PRKD3: variants seen among roughly 807,000 people sequenced by gnomAD.
PRKD3 encodes the protein protein kinase D3, also known as serine/threonine-protein kinase D3.
In PRKD3, 47 loss-of-function variants were observed where a neutral mutation model predicts 99.2. The observed-to-expected ratio is 0.47, with a 90% CI of 0.38 to 0.60. The LOEUF (loss-of-function observed/expected upper bound fraction) is 0.60, where lower values mean the gene tolerates loss of function less well. PRKD3 is among the 20% of genes least tolerant of loss of function. PRKD3 has a pLI of 0.00. For missense variants in PRKD3, 1,019 were observed against 1,088.4 expected, an observed-to-expected ratio of 0.94 and a Z score of 0.90; for synonymous variants, 392 against 355.4, an observed-to-expected ratio of 1.10 and a Z score of -1.16.
At chr2:37,280,505 T>C (rs1669806230) in intron 7 of PRKD3, among the ~76,000 whole-genome samples, 1 of 152,016 alleles carries the variant, frequency 6.6e-6, no homozygotes, top group Non-Finnish European at 1.5e-5. Context: ...TTGACAAGAG[T>C]GTCAAGAAAA....
At position 37,293,199 on chromosome 2, in the gene PRKD3, T is replaced by C; in HGVS notation, c.361A>G (p.Ile121Val). ...LFRHDMNSENILQLITSADEI... is the reference protein window; with the variant it reads ...LFRHDMNSENVLQLITSADEI... Reference sequence around the variant, plus strand: ...TCTGCTGAGGTAATCAGCTGCAAAATGTTTTCTGAGTTCATGTCATGGCGA... The same window carrying C: ...TCTGCTGAGGTAATCAGCTGCAAAACGTTTTCTGAGTTCATGTCATGGCGA... The change falls in exon 3 of 19, where the codon ATT becomes GTT. Residue 121 changes from isoleucine (I) to valine (V), a missense_variant. By Grantham distance (29) the Ile-to-Val change is conservative. Around this residue, in one of 3 missense-constraint regions of PRKD3, gnomAD observed 710 missense variants for 692.7 expected, o/e 1.02. Coordinates refer to ENST00000234179, the MANE Select transcript of PRKD3 (RefSeq NM_005813.6). 6.2e-7 allele frequency: 1 copy of C among 1,606,210 alleles called. No homozygotes were observed. Among genetic ancestry groups the C allele is most frequent in the Non-Finnish European group, 8.5e-7 (1 of 1,174,050 alleles).
intron 2 of PRKD3, among the ~76,000 whole-genome samples, chr2:37,305,828 A>C (rs1413908248): frequency 1.3e-5 from 2 of 152,214 alleles, no homozygotes; most frequent in Non-Finnish European, 2.9e-5. Flanking sequence ...CATGAGTATT[A>C]ACTACTTTTG....
intron 2 of PRKD3, among the ~76,000 whole-genome samples, chr2:37,295,076 C>CACAA (rs1003528194): frequency 7.9e-5 from 12 of 152,044 alleles, no homozygotes; most frequent in Non-Finnish European, 1.3e-4. Context: ...GAGGCTCCGT[C>CACAA]ACAAACAAAC....
rs557974770 is a variant in PRKD3 at position 37,287,376 on chromosome 2, CT to C, written c.718-1008del. 1.1e-4 allele frequency among the ~76,000 whole-genome samples: 16 copies of C among 150,818 alleles called. No individual in the cohort carries two copies. In the South Asian group the frequency reaches 1.7e-3, roughly 16 times the overall value. ...TGTCCTTTTCTTTTCCTTTTCTTCC[CT>C]TTTTTTTCTTTTTTCTCCTCCCCTT... On this transcript the variant is annotated intron_variant, in intron 5 of 18. Transcript: ENST00000234179.
At chr2:37,295,705 G>C (rs1670644735) in intron 2 of PRKD3, among the ~76,000 whole-genome samples, 1 of 152,174 alleles carries the variant, frequency 6.6e-6, no homozygotes, top group African/African-American at 2.4e-5. Context: ...TAAATTACTT[G>C]ATGGCTGTAA....
intron 9 of PRKD3, among the ~76,000 whole-genome samples, chr2:37,277,443 C>T (rs1253210755): frequency 2.0e-5 from 3 of 152,088 alleles, no homozygotes; most frequent in African/African-American, 7.2e-5. Flanking sequence ...CATCATTCCT[C>T]GTCTTTGCTG....
chr2:37,307,915 T>C (rs1654196296), intron 2 of PRKD3, among the ~76,000 whole-genome samples: 1 of 152,246 alleles, frequency 6.6e-6, no homozygotes, highest in African/African-American at 2.4e-5. Context: ...ATATTCTTGT[T>C]AGAATTTAAT....
At position 37,290,941 on chromosome 2, in the gene PRKD3, G is replaced by C; in HGVS notation, c.486C>G (p.Tyr162Ter). 2 of 1,606,404 alleles carry C rather than the reference G, an allele frequency of 1.2e-6. No homozygotes were observed. The highest frequency in any genetic ancestry group is 1.7e-6 in the Non-Finnish European group (2 of 1,172,932). The change falls in exon 4 of 19, where the codon TAC becomes TAG. Residue 162 changes from tyrosine to a stop codon, truncating the protein, a stop_gained. Transcript: ENST00000234179. LOFTEE classifies it high-confidence loss of function. ...IRPHTLYVHSYKAPTFCDYCG... is the reference protein window; with the variant it reads ...IRPHTLYVHS ...AGTAATCACAGAAAGTAGGAGCTTT[G>C]TAAGAATGTACATAGAGAGTATGTG...
intron 13 of PRKD3, 113 bp downstream of exon 13, chr2:37,269,502 T>C (rs1669075488): frequency 1.2e-6 from 1 of 838,780 alleles, no homozygotes; most frequent in Non-Finnish European, 2.0e-6. Context: ...AGTCAGCCTT[T>C]AAAAAAAAGG....
rs779115906 is a variant in PRKD3 at position 37,268,241 on chromosome 2, G to C, written c.1778-705C>G. The C allele has an allele frequency of 4.3e-4, 195 of 456,718 alleles. 2 individuals are homozygous for C. Among genetic ancestry groups the C allele is most frequent in the Non-Finnish European group, 6.3e-4 (140 of 221,932 alleles). 28.3% of individuals were successfully genotyped at this position (456,718 alleles called of 1,614,324 possible). On this transcript the variant is annotated intron_variant, in intron 13 of 18. Transcript: ENST00000234179. ...ACTCATTTGTCTCAATGGCACAATC[G>C]TAAGTCTACTTGAAAAGACTGAACA...
At chr2:37,298,047 C>T (rs1046317335) in intron 2 of PRKD3, among the ~76,000 whole-genome samples, 3 of 152,114 alleles carry the variant, frequency 2.0e-5, no homozygotes, top group Non-Finnish European at 2.9e-5. Context: ...TTTTCCCCCA[C>T]TTATTTATTC....
Position 37,256,512 on chromosome 2 carries a change from A to G in PRKD3, c.2413+150T>C, listed in dbSNP as rs1357758639. The G allele has an allele frequency of 4.6e-6, 5 of 1,078,668 alleles. No homozygotes were observed. The African/African-American group carries it at 8.1e-5, about 17-fold the overall frequency. 66.8% of individuals were successfully genotyped at this position (1,078,668 alleles called of 1,614,324 possible). On this transcript the variant is annotated intron_variant, in intron 17 of 18. Transcript: ENST00000234179. ...AGTATAAAAAGAAGAGTGCTCAAAA[A>G]ACTGGTAACTAGTTGAATTTGGAAG...
chr2:37,297,878 A>G (rs1670742550), intron 2 of PRKD3, among the ~76,000 whole-genome samples: 1 of 152,164 alleles, frequency 6.6e-6, no homozygotes, highest in African/African-American at 2.4e-5. Flanking sequence ...CTCCACTGCA[A>G]AACTACTCTC....
rs201390894 is a variant in PRKD3, at chr2:37,259,052, G to GGA, written c.2145+530_2145+531insTC. On this transcript the variant is annotated intron_variant, in intron 16 of 18. Transcript: ENST00000234179. The stretch of plus-strand genomic sequence containing the variant: ...TTTAGTGGATCAAGATGAACACTTG[G>GGA]AAAAAAAAAAAACTCAACTGAATTA... 8.8e-4 allele frequency among the ~76,000 whole-genome samples: 131 copies of GGA among 148,770 alleles called. 1 individual carries two copies. Among genetic ancestry groups the GGA allele is most frequent in the Admixed American group, 3.9e-3 (58 of 15,036 alleles).
intron 10 of PRKD3, among the ~76,000 whole-genome samples, 177 bp from the exon 11 acceptor site, chr2:37,274,874 T>C (rs960084918): frequency 5.3e-5 from 8 of 152,204 alleles, no homozygotes. Flanking sequence ...AGCTGCAATG[T>C]CCAGCAATGC....
intron 2 of PRKD3, among the ~76,000 whole-genome samples, chr2:37,298,836 G>A (rs944527388): frequency 1.3e-5 from 2 of 152,070 alleles, no homozygotes; most frequent in African/African-American, 4.8e-5. Flanking sequence ...AGAGTCTTTA[G>A]GTTTTTCTAA....
intron 2 of PRKD3, among the ~76,000 whole-genome samples, chr2:37,300,821 G>A (rs1257807321): frequency 1.3e-5 from 2 of 152,122 alleles, no homozygotes; most frequent in Admixed American, 1.3e-4. Context: ...AACTTTCTAG[G>A]AGATTTGCTG....
Position 37,279,917 on chromosome 2 carries a change from A to C in PRKD3, c.1001T>G (p.Leu334Arg). The C allele has an allele frequency of 6.2e-7, 1 of 1,602,662 alleles. No individual in the cohort carries two copies. Among genetic ancestry groups the C allele is most frequent in the Non-Finnish European group, 8.5e-7 (1 of 1,175,554 alleles). ...EVTFNGEPSS[L>R]GTDTDIPMDI... ...CATTGGTATATCTGTATCTGTTCCCAGACTGGAAGGTTCTGGGAAAATTTT... is the reference window on the plus strand; with the variant it reads ...CATTGGTATATCTGTATCTGTTCCCCGACTGGAAGGTTCTGGGAAAATTTT... The change falls in exon 8 of 19, where the codon CTG becomes CGG. Residue 334 changes from leucine to arginine, a missense_variant. Leu to Arg is a moderately radical substitution (Grantham distance 102). Around this residue, in one of 3 missense-constraint regions of PRKD3, gnomAD observed 710 missense variants for 692.7 expected, o/e 1.02. Coordinates refer to ENST00000234179, the MANE Select transcript of PRKD3 (RefSeq NM_005813.6).
chr2:37,253,448 T>C, intron 18 of PRKD3, 98 bp from the exon 19 acceptor site: 2 of 1,008,224 alleles, frequency 2.0e-6, no homozygotes, highest in Non-Finnish European at 2.8e-6. Flanking sequence ...TTTAGTGCCC[T>C]AGTCAAATAA....
Sources: gnomAD v4.1 joint callset for allele counts (sites outside exome capture counted in the v4.1 genomes callset) on GRCh38, gnomAD v4.1.1 for gene constraint, gnomAD v4.1.1 regional missense constraint, MANE v1.5 for transcripts, NCBI Gene and HGNC (gene_info 2026-07-23, HGNC 2026-07-21) for gene names.